Variants in PLCB3 observed in about 807,000 individuals in gnomAD.
PLCB3 encodes 1-phosphatidylinositol 4,5-bisphosphate phosphodiesterase beta-3.
Under a neutral mutation model 152.1 loss-of-function variants are expected in PLCB3, and 54 were observed. The ratio of observed to expected loss-of-function variants is 0.36; its 90% CI spans 0.29 to 0.45. PLCB3 has a LOEUF of 0.45. PLCB3 is among the 20% of genes least tolerant of loss of function. PLCB3 has a pLI of 1.00. For synonymous variants in PLCB3, 717 were observed against 698.7 expected (o/e 1.03, Z -0.41); for missense variants, 1,248 against 1,687.5 (o/e 0.74, Z 4.56).
Position 64,259,151 on chromosome 11 carries a change from C to T in PLCB3, c.1432C>T (p.Pro478Ser), listed in dbSNP as rs1237762439. The T allele has an allele frequency of 1.9e-6, 3 of 1,608,878 alleles. No individual in the cohort carries two copies. The African/African-American group carries it at 4.0e-5, about 22-fold the overall frequency. The change falls in exon 13 of 31, where the codon CCA (proline) becomes TCA (serine). Residue 478 changes from proline (P) to serine (S), a missense_variant. Physicochemically the swap from Pro to Ser is moderately conservative, Grantham distance 74. Transcript: ENST00000279230. ...GCGGCACCGACCCAGCGCAGGTGGCCCAGACAGCGCCGGGCGCAAGCGGCC... is the reference window on the plus strand; with the variant it reads ...GCGGCACCGACCCAGCGCAGGTGGCTCAGACAGCGCCGGGCGCAAGCGGCC... ...KKRHRPSAGG[P>S]DSAGRKRPLE...
Position 64,267,831 on chromosome 11 carries a change from G to T in PLCB3, c.*275G>T. ...TCTCCTCCCTTCCCCGGGAGAGCTG[G>T]CTGGAGACTTGGAGCTCCGGGAAGT... is the stretch of plus-strand genomic sequence containing the variant. On this transcript the variant is annotated 3_prime_UTR_variant, in exon 31 of 31. Coordinates refer to ENST00000279230, the MANE Select transcript of PLCB3 (RefSeq NM_000932.5). The surrounding 1 kb of genome is among the most constrained non-coding windows in gnomAD (Gnocchi z 5.2). 2.3e-6 allele frequency: 1 copy of T among 427,598 alleles called. No individual in the cohort carries two copies. The highest frequency in any genetic ancestry group is 5.0e-5 in the South Asian group (1 of 20,132). 26.5% of individuals were successfully genotyped at this position (427,598 alleles called of 1,614,324 possible).
chr11:64,267,409 G>A lies in PLCB3; in HGVS notation c.3558G>A (p.Glu1186=). 1 of 1,540,350 alleles carries A rather than the reference G, an allele frequency of 6.5e-7. No individual in the cohort carries two copies. Among genetic ancestry groups the A allele is most frequent in the Non-Finnish European group, 8.8e-7 (1 of 1,142,092 alleles). Residue 1186 remains glutamate, a synonymous_variant, in exon 31 of 31, where the codon GAG becomes GAA. Transcript: ENST00000279230. The surrounding 1 kb of genome is among the most constrained non-coding windows in gnomAD (Gnocchi z 5.2). The part of the protein sequence containing the change: ...CQEQRARLPQ[E]IRRSLLGEMP... ...AGCAGCGGGCGAGGCTCCCCCAGGA[G>A]ATCCGCCGGAGCCTGCTGGGCGAGA...
In PLCB3 at chr11:64,258,435, T is replaced by C. The variant is rs1486701878; in HGVS notation, c.1013-38T>C. ...GGGCCGGGGTGGTGAGGAGCTGGGC[T>C]GGTGGGCGGCCTCGGTGACAGAGCC... On this transcript the variant is annotated intron_variant, in intron 10 of 30. Coordinates refer to ENST00000279230, the MANE Select transcript of PLCB3 (RefSeq NM_000932.5). This position sits in a 1 kb window ranked among gnomAD's most constrained non-coding sequence, Gnocchi z 7.2. 3.1e-6 allele frequency: 5 copies of C among 1,601,958 alleles called. No homozygotes were observed.
intron 10 of PLCB3, among the ~76,000 whole-genome samples, chr11:64,257,481 G>A (rs1445562197): frequency 6.6e-6 from 1 of 152,064 alleles, no homozygotes; most frequent in Non-Finnish European, 1.5e-5. Context: ...GCTGGGCATA[G>A]TGGCGCATGC....
intron 10 of PLCB3, among the ~76,000 whole-genome samples, chr11:64,257,143 T>TA (rs2031584584): frequency 6.6e-6 from 1 of 152,148 alleles, no homozygotes. Context: ...TAGCTGGGAT[T>TA]ACAGGCATTC....
Position 64,267,239 on chromosome 11 carries a change from G to T in PLCB3, c.3469G>T (p.Val1157Phe). ...HDRLVAGQQQVLQQLAEEEPK... is the reference protein window; with the variant it reads ...HDRLVAGQQQFLQQLAEEEPK... ...CCGTCTTGTGGCTGGGCAGCAGCAGGTCCTGCAACAGCTGGCAGAAGAGGA... is the reference window on the plus strand; with the variant it reads ...CCGTCTTGTGGCTGGGCAGCAGCAGTTCCTGCAACAGCTGGCAGAAGAGGA... Residue 1157 changes from valine (V) to phenylalanine (F), a missense_variant, in exon 30 of 31, where the codon GTC becomes TTC. Transcript: ENST00000279230. This position sits in a 1 kb window ranked among gnomAD's most constrained non-coding sequence, Gnocchi z 5.2. 2 of 1,550,646 alleles carry T rather than the reference G, an allele frequency of 1.3e-6. No individual in the cohort carries two copies. The highest frequency in any genetic ancestry group is 2.7e-5 in the African/African-American group (2 of 73,170).
intron 10 of PLCB3, among the ~76,000 whole-genome samples, chr11:64,257,123 G>T (rs1184166063): frequency 6.7e-6 from 1 of 150,096 alleles, no homozygotes; most frequent in Non-Finnish European, 1.5e-5. Flanking sequence ...TCCTGCCTCA[G>T]CCTCCCAAGT....
In PLCB3 at chr11:64,262,729, G is replaced by T; in HGVS notation, c.2276G>T (p.Arg759Leu). 3 of 1,613,868 alleles carry T rather than the reference G, an allele frequency of 1.9e-6. No individual in the cohort carries two copies. The highest frequency in any genetic ancestry group is 1.7e-6 in the Non-Finnish European group (2 of 1,180,014). ...ATGTTTGGCCTCCCTGTTGATACGC[G>T]GCGCAAGTACCGCACCCGGACCTCT... ...VDMFGLPVDT[R>L]RKYRTRTSQG... Residue 759 changes from arginine (R) to leucine (L), a missense_variant, in exon 19 of 31, where the codon CGG becomes CTG. By Grantham distance (102) the Arg-to-Leu change is moderately radical. Coordinates refer to ENST00000279230, the MANE Select transcript of PLCB3 (RefSeq NM_000932.5).
rs566252512 is a variant in PLCB3, at chr11:64,266,942, C to T, written c.3415-243C>T. On this transcript the variant is annotated intron_variant, in intron 29 of 30. Coordinates refer to ENST00000279230, the MANE Select transcript of PLCB3 (RefSeq NM_000932.5). The surrounding 1 kb of genome is among the most constrained non-coding windows in gnomAD (Gnocchi z 4.9). ...CCGAGTAGCTGGGATTACAGGCATC[C>T]GCCACCATGCCTGGCTAATTTTTTT... Among the ~76,000 whole-genome samples the T allele has an allele frequency of 1.8e-4, 28 of 152,280 alleles. No homozygotes were observed. In the East Asian group the frequency reaches 5.2e-3, roughly 28 times the overall value.
Position 64,255,630 on chromosome 11 carries a change from G to GT in PLCB3, c.597+14_597+15insT. The GT allele has an allele frequency of 6.3e-7, 1 of 1,595,552 alleles. No individual in the cohort carries two copies. The highest frequency in any genetic ancestry group is 2.2e-5 in the East Asian group (1 of 44,744). On this transcript the variant is annotated intron_variant, in intron 7 of 30. Transcript: ENST00000279230. This position sits in a 1 kb window ranked among gnomAD's most constrained non-coding sequence, Gnocchi z 6.8. Reference sequence around the variant, plus strand: ...AAATTCAACCGGGTGTGTGGGGTGGGGACAGGGGCGGGGTGGGGTGTCACG... The same window carrying GT: ...AAATTCAACCGGGTGTGTGGGGTGGGTGACAGGGGCGGGGTGGGGTGTCACG...
chr11:64,252,599 G>A (rs1451256516), intron 1 of PLCB3, among the ~76,000 whole-genome samples: 1 of 152,222 alleles, frequency 6.6e-6, no homozygotes, highest in East Asian at 1.9e-4. Context: ...GCTCTTTTCC[G>A]GCTGGGTGGG....
chr11:64,266,309 C>A lies in PLCB3; in HGVS notation c.3267-6C>A. 1 of 1,613,434 alleles carries A rather than the reference C, an allele frequency of 6.2e-7. No homozygotes were observed. The highest frequency in any genetic ancestry group is 2.2e-5 in the East Asian group (1 of 44,880). ...ACCCCTCCTCTTCCCCTGCCGGCTT[C>A]TCCAGGGAGAAGAAGGAGCTGCAGA... On this transcript the variant is annotated splice_region_variant and splice_polypyrimidine_tract_variant and intron_variant, in intron 27 of 30. Transcript: ENST00000279230. The surrounding 1 kb of genome is among the most constrained non-coding windows in gnomAD (Gnocchi z 4.9).
rs376058107 is a variant in PLCB3, at chr11:64,252,634, G to A, written c.99+886G>A. Among the ~76,000 whole-genome samples, 18 of 152,322 alleles carry A rather than the reference G, an allele frequency of 1.2e-4. No homozygotes were observed. The East Asian group carries it at 1.4e-3, about 11-fold the overall frequency. On this transcript the variant is annotated intron_variant, in intron 1 of 30. Coordinates refer to ENST00000279230, the MANE Select transcript of PLCB3 (RefSeq NM_000932.5). The stretch of plus-strand genomic sequence containing the variant: ...GGCCCCGGGGTAGGCGTGGGAGCTG[G>A]GGGGAGGAGATGGGGGCGTGGCCTG...
In PLCB3 at chr11:64,254,911, G is replaced by A. The variant is rs765986868; in HGVS notation, c.260G>A (p.Arg87Gln). The A allele has an allele frequency of 1.1e-5, 17 of 1,606,144 alleles. No homozygotes were observed. Among genetic ancestry groups the A allele is most frequent in the East Asian group, 2.2e-5 (1 of 44,772 alleles). ...TCACCTACTCAGGACCCCAAGATCC[G>A]GGAAGTTCTGGGCTTTGGGGGTCCC... Reference protein sequence around the residue: ...YARLPKDPKIREVLGFGGPDA... With the variant: ...YARLPKDPKIQEVLGFGGPDA... The change falls in exon 4 of 31, where the codon CGG (arginine) becomes CAG (glutamine). Residue 87 changes from arginine to glutamine, a missense_variant. Physicochemically the swap from Arg to Gln is conservative, Grantham distance 43 (BLOSUM62 1). Transcript: ENST00000279230.
chr11:64,262,327 G>A, intron 17 of PLCB3, 80 bp from the exon 18 acceptor site: 1 of 1,541,690 alleles, frequency 6.5e-7, no homozygotes, highest in African/African-American at 1.4e-5. Flanking sequence ...GATGCCATCT[G>A]ACCTGATGAT....
chr11:64,266,630 G>GT lies in PLCB3; in HGVS notation c.3414+79dup. 7.2e-7 allele frequency: 1 copy of GT among 1,398,328 alleles called. No individual in the cohort carries two copies. The highest frequency in any genetic ancestry group is 1.0e-6 in the Non-Finnish European group (1 of 985,948). 86.6% of individuals were successfully genotyped at this position (1,398,328 alleles called of 1,614,324 possible). A position where few individuals can be genotyped will look rare whatever the true frequency, so the allele number is the denominator to read the frequency against. ...GACACCCATCTCCATGCCTGGCCTG[G>GT]TGCCACGTTGCCCTCAAGGTTCTTC... On this transcript the variant is annotated intron_variant, in intron 29 of 30. Transcript: ENST00000279230. This position sits in a 1 kb window ranked among gnomAD's most constrained non-coding sequence, Gnocchi z 4.9.
At chr11:64,251,924 C>A (rs2031227517) in intron 1 of PLCB3, among the ~76,000 whole-genome samples, 176 bp downstream of exon 1, 1 of 152,058 alleles carries the variant, frequency 6.6e-6, no homozygotes. Flanking sequence ...ACTTTGTCCC[C>A]CCAACTCCCA....
chr11:64,261,362 C>G (rs540250834), intron 14 of PLCB3, 38 bp from the exon 15 acceptor site: 1 of 1,480,362 alleles, frequency 6.8e-7, no homozygotes, highest in South Asian at 1.1e-5. Flanking sequence ...CCAGCTGTGG[C>G]GGGAATGGCA....
chr11:64,253,703 T>C (rs1331113508), intron 1 of PLCB3, among the ~76,000 whole-genome samples: 1 of 152,084 alleles, frequency 6.6e-6, no homozygotes, highest in African/African-American at 2.4e-5. Flanking sequence ...GGGCCCTTCT[T>C]AGAAAATGGG....
Sources: gnomAD v4.1 joint callset for allele counts (sites outside exome capture counted in the v4.1 genomes callset) on GRCh38, gnomAD v4.1.1 for gene constraint, Gnocchi (gnomAD v3.1) non-coding constraint, MANE v1.5 for transcripts, NCBI Gene and HGNC (gene_info 2026-07-23, HGNC 2026-07-21) for gene names.